The following RGL1 variants were observed in gnomAD, a reference collection of about 807,000 sequenced individuals.
RGL1 encodes the protein ral guanine nucleotide dissociation stimulator like 1.
In RGL1, 24 loss-of-function variants were observed where a neutral mutation model predicts 95.2. The ratio of observed to expected loss-of-function variants is 0.25; its 90% CI spans 0.18 to 0.35. The LOEUF (loss-of-function observed/expected upper bound fraction) is 0.35, where lower values mean the gene tolerates loss of function less well. Among genes scored for constraint, RGL1 ranks in the 10% least tolerant of loss-of-function variants. RGL1 has a pLI of 1.00. For synonymous variants in RGL1, 329 were observed against 344.9 expected, an observed-to-expected ratio of 0.95 and a Z score of 0.51; for missense variants, 715 against 936.3, an observed-to-expected ratio of 0.76 and a Z score of 3.08.
intron 3 of RGL1, among the ~76,000 whole-genome samples, chr1:183,861,544 G>A (rs748152478): frequency 1.1e-4 from 16 of 152,088 alleles, no homozygotes; most frequent in African/African-American, 1.7e-4. Flanking sequence ...TACTTTTTAG[G>A]CTGCAGTAAA....
intron 2 of RGL1, among the ~76,000 whole-genome samples, chr1:183,824,583 A>G (rs1447560994): frequency 6.6e-6 from 1 of 152,226 alleles, no homozygotes; most frequent in East Asian, 1.9e-4. Flanking sequence ...AATAGCTGAA[A>G]AAAGTCCTTT....
At chr1:183,718,277 T>C (rs1233681839) in intron 1 of RGL1, among the ~76,000 whole-genome samples, 1 of 151,758 alleles carries the variant, frequency 6.6e-6, no homozygotes, top group African/African-American at 2.4e-5. Context: ...TGTTTATGTA[T>C]ATTTTAAATG....
intron 2 of RGL1, among the ~76,000 whole-genome samples, chr1:183,820,319 T>A (rs539296332): frequency 6.6e-6 from 1 of 152,310 alleles, no homozygotes; most frequent in East Asian, 1.9e-4. Context: ...ATATTTGTTA[T>A]GTTTCTGATG....
At chr1:183,643,251 A>T (rs1650047964) in intron 1 of RGL1, among the ~76,000 whole-genome samples, 1 of 142,624 alleles carries the variant, frequency 7.0e-6, no homozygotes, top group Non-Finnish European at 1.5e-5. Context: ...TATCTCTTTG[A>T]GGTCCTGTTT....
Position 183,805,190 on chromosome 1 carries a change from G to C in RGL1, c.-108G>C. On this transcript the variant is annotated 5_prime_UTR_variant, in exon 1 of 18. Transcript: ENST00000360851. ...CGTGTCTGTGCGCTGCGGTCGCTCG[G>C]GACCGGGACCGGGGCGAGGCGCCGC... is the stretch of plus-strand genomic sequence containing the variant. 1 of 1,487,154 alleles carries C rather than the reference G, an allele frequency of 6.7e-7. No individual in the cohort carries two copies. The allele number at this position is 1,487,154 out of a possible 1,614,324, so 92.1% of individuals were successfully genotyped here.
chr1:183,800,061 G>A (rs1159213076), intron 2 of RGL1, among the ~76,000 whole-genome samples: 1 of 152,110 alleles, frequency 6.6e-6, no homozygotes, highest in Non-Finnish European at 1.5e-5. Flanking sequence ...TCAGACTCTT[G>A]GTTGGCAAGT....
intron 1 of RGL1, among the ~76,000 whole-genome samples, chr1:183,689,707 C>A (rs1013843429): frequency 6.6e-6 from 1 of 152,138 alleles, no homozygotes; most frequent in Non-Finnish European, 1.5e-5. Flanking sequence ...CTGATCACTG[C>A]ATAACATAGA....
At chr1:183,709,140 G>T (rs989512343) in intron 1 of RGL1, among the ~76,000 whole-genome samples, 4 of 152,166 alleles carry the variant, frequency 2.6e-5, no homozygotes, top group African/African-American at 9.7e-5. Flanking sequence ...TCAGCCTTCA[G>T]GGGGTACGTG....
At chr1:183,854,897 G>A (rs1665038957) in intron 3 of RGL1, among the ~76,000 whole-genome samples, 1 of 152,098 alleles carries the variant, frequency 6.6e-6, no homozygotes, top group African/African-American at 2.4e-5. Context: ...AAAATTTGTA[G>A]TATAGTGGCT....
chr1:183,798,904 G>GGAGTCTTGCTCTGTCGCCCAGGCT (rs1572425044), intron 2 of RGL1, among the ~76,000 whole-genome samples: 1 of 135,898 alleles, frequency 7.4e-6, no homozygotes, highest in African/African-American at 2.8e-5. Flanking sequence ...TTTTTTTGAC[G>GGAGTCTTGCTCTGTCGCCCAGGCT]GAGTCTTGCT....
rs761893173 is a variant in RGL1, at chr1:183,820,993, C to T, written c.138+14508C>T. Among the ~76,000 whole-genome samples, 10 of 151,904 alleles carry T rather than the reference C, an allele frequency of 6.6e-5. No homozygotes were observed. In the East Asian group the frequency reaches 1.2e-3, roughly 18 times the overall value. On this transcript the variant is annotated intron_variant, in intron 2 of 17. Coordinates refer to ENST00000360851, the MANE Select transcript of RGL1 (RefSeq NM_001297671.3). ...ACTAAAACTACAAAAATTAGCTGGGCGTGGTGGTGGGCGCCTGTAATCCCA... is the reference window on the plus strand; with the variant it reads ...ACTAAAACTACAAAAATTAGCTGGGTGTGGTGGTGGGCGCCTGTAATCCCA...
chr1:183,840,070 C>CTAAGG (rs1315476061), intron 2 of RGL1, among the ~76,000 whole-genome samples: 2 of 152,146 alleles, frequency 1.3e-5, no homozygotes, highest in African/African-American at 4.8e-5. Context: ...TGGTAATAGA[C>CTAAGG]TAAGGGGGAA....
chr1:183,906,596 TG>T (rs1668342589), intron 13 of RGL1, among the ~76,000 whole-genome samples: 1 of 152,184 alleles, frequency 6.6e-6, no homozygotes, highest in Non-Finnish European at 1.5e-5. Flanking sequence ...TTTGTGCATG[TG>T]CACAAACACA....
intron 1 of RGL1, among the ~76,000 whole-genome samples, chr1:183,678,382 G>T (rs1652975481): frequency 6.6e-6 from 1 of 152,112 alleles, no homozygotes; most frequent in African/African-American, 2.4e-5. Context: ...CTTCCAAAGA[G>T]AACTTGAGTT....
At chr1:183,725,649 C>T in intron 1 of RGL1, among the ~76,000 whole-genome samples, 1 of 152,088 alleles carries the variant, frequency 6.6e-6, no homozygotes, top group Non-Finnish European at 1.5e-5. Flanking sequence ...TGTGTATTCA[C>T]CTTATAACTA....
intron 15 of RGL1, among the ~76,000 whole-genome samples, chr1:183,913,584 T>C (rs1668791355): frequency 6.6e-6 from 1 of 152,130 alleles, no homozygotes; most frequent in Non-Finnish European, 1.5e-5. Flanking sequence ...ATTTGCACCA[T>C]TTGGGGAAGG....
At chr1:183,777,505 G>A (rs544931795) in intron 2 of RGL1, among the ~76,000 whole-genome samples, 3 of 152,270 alleles carry the variant, frequency 2.0e-5, no homozygotes, top group East Asian at 1.9e-4. Context: ...ATGTCTCATC[G>A]TGTTCAAACA....
At chr1:183,869,222 C>T (rs1019263019) in intron 4 of RGL1, among the ~76,000 whole-genome samples, 4 of 152,206 alleles carry the variant, frequency 2.6e-5, no homozygotes, top group African/African-American at 9.7e-5. Flanking sequence ...AAGAAAATTG[C>T]ACCCTGGGTA....
chr1:183,663,654 G>A (rs1462210215), intron 1 of RGL1, among the ~76,000 whole-genome samples: 1 of 151,934 alleles, frequency 6.6e-6, no homozygotes, highest in Non-Finnish European at 1.5e-5. Context: ...AGTCAGTGTG[G>A]CGATTCCTCA....
Sources: allele counts gnomAD v4.1 joint callset (sites outside exome capture counted in the v4.1 genomes callset), GRCh38; gene constraint gnomAD v4.1.1; transcripts MANE v1.5; gene names NCBI Gene and HGNC (gene_info 2026-07-23, HGNC 2026-07-21).